Variants in GRXCR2 observed in about 807,000 individuals in gnomAD.
GRXCR2 encodes the protein glutaredoxin domain-containing cysteine-rich protein 2.
GRXCR2 carries 23 observed loss-of-function variants against 24.8 expected under a neutral mutation model. The observed-to-expected ratio is 0.93, with a 90% CI of 0.67 to 1.32. The LOEUF is 1.32. GRXCR2 is among the 40% of genes most tolerant of loss of function. The probability of loss-of-function intolerance (pLI) is 0.00; values close to 1 mark genes in which losing one functional copy is unlikely to be tolerated. For synonymous variants in GRXCR2, 130 were observed against 116.1 expected (o/e 1.12, Z -0.77); for missense variants, 315 against 303.4 (o/e 1.04, Z -0.28).
intron 2 of GRXCR2, among the ~76,000 whole-genome samples, chr5:145,890,365 C>T (rs1442147437): frequency 6.6e-6 from 1 of 152,188 alleles, no homozygotes; most frequent in Admixed American, 6.5e-5. Context: ...GCTGAGATTA[C>T]AGGTGTGAGC....
At chr5:145,903,924 C>T (rs1351232611) in intron 2 of GRXCR2, among the ~76,000 whole-genome samples, 1 of 152,184 alleles carries the variant, frequency 6.6e-6, no homozygotes, top group Non-Finnish European at 1.5e-5. Context: ...CACAAATTCA[C>T]ACCAAGCAGG....
chr5:145,862,328 A>T (rs959384644), intron 2 of GRXCR2, among the ~76,000 whole-genome samples: 1 of 152,238 alleles, frequency 6.6e-6, no homozygotes, highest in Non-Finnish European at 1.5e-5. Context: ...ATCTAATGTC[A>T]TATAGTTCTA....
In GRXCR2 at chr5:145,873,008, A is replaced by T; in HGVS notation, c.-40T>A. ...CCCTGTGGTCTCCAGCCTTCCGTGC[A>T]GCCGGTGAAACTTGGGCCTCTGAGA... On this transcript the variant is annotated 5_prime_UTR_variant, in exon 1 of 3. Coordinates refer to ENST00000377976, the MANE Select transcript of GRXCR2 (RefSeq NM_001080516.2). 4 of 1,560,260 alleles carry T rather than the reference A, an allele frequency of 2.6e-6. No homozygotes were observed. Among genetic ancestry groups the T allele is most frequent in the Non-Finnish European group, 3.5e-6 (4 of 1,137,896 alleles).
At chr5:145,884,117 AC>A (rs925022756) in intron 2 of GRXCR2, among the ~76,000 whole-genome samples, 4 of 152,076 alleles carry the variant, frequency 2.6e-5, no homozygotes, top group African/African-American at 9.7e-5. Flanking sequence ...AGTGGAATAA[AC>A]CCCACCTATG....
At chr5:145,863,914 A>T (rs1260771723) in intron 2 of GRXCR2, among the ~76,000 whole-genome samples, 1 of 152,206 alleles carries the variant, frequency 6.6e-6, no homozygotes, top group Non-Finnish European at 1.5e-5. Flanking sequence ...ATATTCACTG[A>T]TTACCTGTTA....
chr5:145,912,445 T>C (rs1000761793), intron 2 of GRXCR2, among the ~76,000 whole-genome samples: 1 of 152,180 alleles, frequency 6.6e-6, no homozygotes, highest in Non-Finnish European at 1.5e-5. Context: ...GCCACTGCTC[T>C]GGGTGCTGGA....
intron 1 of GRXCR2, among the ~76,000 whole-genome samples, chr5:145,872,411 A>T (rs1444563499): frequency 1.3e-5 from 2 of 152,188 alleles, no homozygotes; most frequent in Admixed American, 1.3e-4. Flanking sequence ...ATGGAATTTG[A>T]ATACTATATA....
chr5:145,908,077 T>G lies in GRXCR2; in HGVS notation c.-70+27624A>C, dbSNP rs543077750. On this transcript the variant is annotated intron_variant, in intron 2 of 3. Coordinates refer to the GRXCR2 transcript ENST00000639411. ...CTTACCAGTTCTATGAGGAAGATGC[T>G]CTAGCTGTTTTACCTCCCCAATGTC... 2.0e-5 allele frequency among the ~76,000 whole-genome samples: 3 copies of G among 152,306 alleles called. No individual in the cohort carries two copies. The South Asian group carries it at 6.2e-4, about 32-fold the overall frequency.
At chr5:145,889,854 G>A (rs993404924) in intron 2 of GRXCR2, among the ~76,000 whole-genome samples, 1 of 152,120 alleles carries the variant, frequency 6.6e-6, no homozygotes, top group Non-Finnish European at 1.5e-5. Context: ...TGAAGGAAGA[G>A]ATAAACATCT....
intron 2 of GRXCR2, among the ~76,000 whole-genome samples, chr5:145,879,970 A>T (rs1432003830): frequency 1.3e-5 from 2 of 152,224 alleles, no homozygotes; most frequent in Non-Finnish European, 2.9e-5. Flanking sequence ...ATGAAGGCAG[A>T]AATAAAGATG....
intron 2 of GRXCR2, among the ~76,000 whole-genome samples, chr5:145,914,945 G>A (rs981770428): frequency 6.6e-6 from 1 of 152,208 alleles, no homozygotes; most frequent in Non-Finnish European, 1.5e-5. Flanking sequence ...TACTTTCAAA[G>A]AGAGGCGTGG....
Position 145,911,086 on chromosome 5 carries a change from T to C in GRXCR2, c.-70+24615A>G, listed in dbSNP as rs566809879. Among the ~76,000 whole-genome samples, 8 of 152,322 alleles carry C rather than the reference T, an allele frequency of 5.3e-5. No individual in the cohort carries two copies. The South Asian group carries it at 1.7e-3, about 32-fold the overall frequency. On this transcript the variant is annotated intron_variant, in intron 2 of 3. Coordinates refer to the GRXCR2 transcript ENST00000639411. ...ATTATTTTTATTGAAAATACTTAAT[T>C]GGCGAATTAAAATTTTATATGTTCA...
chr5:145,902,294 T>C (rs1211968433), intron 2 of GRXCR2, among the ~76,000 whole-genome samples: 1 of 152,078 alleles, frequency 6.6e-6, no homozygotes, highest in Non-Finnish European at 1.5e-5. Flanking sequence ...GTAGATACAG[T>C]GTCTCACTAT....
At chr5:145,915,720 C>A (rs138607860) in intron 2 of GRXCR2, among the ~76,000 whole-genome samples, 92 of 150,498 alleles carry the variant, frequency 6.1e-4, no homozygotes, top group African/African-American at 2.3e-3. Flanking sequence ...GGTGACAGAG[C>A]AACACTTCAT....
intron 2 of GRXCR2, among the ~76,000 whole-genome samples, chr5:145,903,362 T>C (rs1459652032): frequency 6.6e-6 from 1 of 152,164 alleles, no homozygotes; most frequent in Non-Finnish European, 1.5e-5. Flanking sequence ...GAAATCTAGA[T>C]CATTCTCTTC....
chr5:145,889,996 A>C (rs115648684), intron 2 of GRXCR2, among the ~76,000 whole-genome samples: 2,172 of 152,372 alleles, frequency 0.014, 54 homozygotes, highest in African/African-American at 0.05. Flanking sequence ...TTGTCAATAG[A>C]CTGGACTAAG....
chr5:145,892,654 G>C (rs537105331), intron 2 of GRXCR2, among the ~76,000 whole-genome samples: 1 of 152,224 alleles, frequency 6.6e-6, no homozygotes, highest in Non-Finnish European at 1.5e-5. Flanking sequence ...ATCTACGTCT[G>C]ACTGGTGTAC....
At chr5:145,904,565 C>A (rs541785475) in intron 2 of GRXCR2, among the ~76,000 whole-genome samples, 1 of 152,298 alleles carries the variant, frequency 6.6e-6, no homozygotes, top group African/African-American at 2.4e-5. Flanking sequence ...AATCCTCATA[C>A]CCCTTCCTTG....
upstream of GRXCR2, among the ~76,000 whole-genome samples, chr5:145,874,037 G>A (rs990737225): frequency 6.6e-6 from 1 of 152,104 alleles, no homozygotes; most frequent in Admixed American, 6.6e-5. Context: ...AAAGAAAAGG[G>A]CCCTTGGGCT....
Sources: gnomAD v4.1 joint callset for allele counts (sites outside exome capture counted in the v4.1 genomes callset) on GRCh38, gnomAD v4.1.1 for gene constraint, MANE v1.5 for transcripts, NCBI Gene and HGNC (gene_info 2026-07-23, HGNC 2026-07-21) for gene names.